The following TMEM132B variants were observed in gnomAD, a reference collection of about 807,000 sequenced individuals.
TMEM132B encodes transmembrane protein 132B.
In TMEM132B, 18 loss-of-function variants were observed where a neutral mutation model predicts 90.8. The ratio of observed to expected loss-of-function variants is 0.20; its 90% confidence interval spans 0.14 to 0.29. The LOEUF (loss-of-function observed/expected upper bound fraction) is 0.29. TMEM132B is among the 10% of genes least tolerant of loss of function. TMEM132B has a pLI of 1.00. For missense variants in TMEM132B, 1,096 were observed against 1,326.8 expected (o/e 0.83, Z 2.70); for synonymous variants, 504 against 523.3 (o/e 0.96, Z 0.50).
At chr12:125,270,112 T>TTGTGTGTGTGTGTG (rs59168219) in intron 1 of TMEM132B, among the ~76,000 whole-genome samples, 3,424 of 143,180 alleles carry the variant, frequency 0.024, 92 homozygotes, top group African/African-American at 0.052. Flanking sequence ...CACATCTTTG[T>TTGTGTGTGTGTGTG]TGTGTGTGTG....
At chr12:125,219,176 A>G (rs935498922) in intron 1 of TMEM132B, among the ~76,000 whole-genome samples, 2 of 152,164 alleles carry the variant, frequency 1.3e-5, no homozygotes, top group Non-Finnish European at 2.9e-5. Flanking sequence ...TATAGCCATG[A>G]TGGCGAGGTT....
At chr12:125,215,785 A>G (rs1325505305) in intron 1 of TMEM132B, among the ~76,000 whole-genome samples, 10 of 152,040 alleles carry the variant, frequency 6.6e-5, no homozygotes, top group Admixed American at 6.5e-4. Flanking sequence ...CAGGTGATCC[A>G]CCCGCCTTGG....
intron 3 of TMEM132B, among the ~76,000 whole-genome samples, chr12:125,420,980 G>C (rs1207997892): frequency 1.3e-5 from 2 of 152,224 alleles, no homozygotes; most frequent in Non-Finnish European, 2.9e-5. Flanking sequence ...AACATAGCAA[G>C]AGTCACCTTT....
At chr12:125,332,449 G>A (rs1443462948) in intron 1 of TMEM132B, among the ~76,000 whole-genome samples, 1 of 151,748 alleles carries the variant, frequency 6.6e-6, no homozygotes, top group Non-Finnish European at 1.5e-5. Flanking sequence ...ACAGACTTCT[G>A]TCATCTTCTC....
intron 5 of TMEM132B, among the ~76,000 whole-genome samples, chr12:125,625,130 CTTTTTT>C (rs1169262449): frequency 9.6e-6 from 1 of 103,912 alleles, no homozygotes; most frequent in African/African-American, 3.9e-5. Flanking sequence ...GATTTGACTT[CTTTTTT>C]TTTTTTTTTT....
chr12:125,590,042 C>A (rs989845471), intron 5 of TMEM132B, among the ~76,000 whole-genome samples: 4 of 152,142 alleles, frequency 2.6e-5, no homozygotes, highest in African/African-American at 9.6e-5. Context: ...TCACATGAGA[C>A]CTGGTTGTTT....
intron 3 of TMEM132B, among the ~76,000 whole-genome samples, chr12:125,464,150 C>A (rs1397122334): frequency 1.3e-5 from 2 of 152,158 alleles, no homozygotes; most frequent in Non-Finnish European, 2.9e-5. Flanking sequence ...TAAAAGGTGA[C>A]CCTAAAACTA....
At chr12:125,579,392 C>G (rs565385811) in intron 4 of TMEM132B, among the ~76,000 whole-genome samples, 3 of 150,422 alleles carry the variant, frequency 2.0e-5, no homozygotes, top group Admixed American at 6.6e-5. Flanking sequence ...GATAGAGTCT[C>G]GCTCTGTGGC....
intron 5 of TMEM132B, among the ~76,000 whole-genome samples, chr12:125,638,541 T>C (rs1292471729): frequency 6.6e-6 from 1 of 152,198 alleles, no homozygotes; most frequent in East Asian, 1.9e-4. Context: ...TTTGCCTCTT[T>C]TAATGTAGAA....
intron 3 of TMEM132B, among the ~76,000 whole-genome samples, chr12:125,423,049 C>A (rs1880213868): frequency 6.6e-6 from 1 of 152,130 alleles, no homozygotes; most frequent in East Asian, 1.9e-4. Flanking sequence ...TGCAGACAGT[C>A]CTGGATGCAG....
chr12:125,536,713 A>G (rs1297168566), intron 4 of TMEM132B, among the ~76,000 whole-genome samples: 2 of 152,198 alleles, frequency 1.3e-5, no homozygotes, highest in African/African-American at 4.8e-5. Context: ...CTGTGGGCAA[A>G]ACCTTATATC....
At chr12:125,271,583 T>A (rs1298480138) in intron 1 of TMEM132B, among the ~76,000 whole-genome samples, 1 of 152,216 alleles carries the variant, frequency 6.6e-6, no homozygotes, top group Non-Finnish European at 1.5e-5. Context: ...TATCCTGAGC[T>A]ATGCTCACCT....
At chr12:125,537,115 C>A (rs1883824486) in intron 4 of TMEM132B, among the ~76,000 whole-genome samples, 1 of 152,114 alleles carries the variant, frequency 6.6e-6, no homozygotes, top group Non-Finnish European at 1.5e-5. Flanking sequence ...CACCATGATA[C>A]CAAAATCTGT....
At chr12:125,545,956 A>G (rs1354391225) in intron 4 of TMEM132B, among the ~76,000 whole-genome samples, 2 of 152,168 alleles carry the variant, frequency 1.3e-5, no homozygotes, top group East Asian at 3.9e-4. Flanking sequence ...AAGGGCATAT[A>G]TTTTTGGTAG....
At chr12:125,552,274 G>A (rs1884247050) in intron 4 of TMEM132B, among the ~76,000 whole-genome samples, 1 of 152,206 alleles carries the variant, frequency 6.6e-6, no homozygotes, top group Admixed American at 6.5e-5. Flanking sequence ...ATGAGAAAGA[G>A]AACCAAGCTT....
At chr12:125,611,547 C>T (rs1372795932) in intron 5 of TMEM132B, among the ~76,000 whole-genome samples, 4 of 151,928 alleles carry the variant, frequency 2.6e-5, no homozygotes, top group Non-Finnish European at 4.4e-5. Context: ...TACTTATATT[C>T]TTACTGTTTC....
intron 1 of TMEM132B, among the ~76,000 whole-genome samples, chr12:125,210,536 G>A (rs1185473979): frequency 6.6e-6 from 1 of 152,062 alleles, no homozygotes; most frequent in Non-Finnish European, 1.5e-5. Context: ...TTGTGGTACA[G>A]GAGGCAGACT....
intron 1 of TMEM132B, among the ~76,000 whole-genome samples, chr12:125,187,708 C>T (rs760266527): frequency 5.3e-5 from 8 of 152,286 alleles, no homozygotes; most frequent in Non-Finnish European, 7.4e-5. Context: ...AAGCTTTCTA[C>T]CCACCTTGGT....
chr12:125,607,629 A>G (rs1220863815), intron 5 of TMEM132B, among the ~76,000 whole-genome samples: 1 of 152,214 alleles, frequency 6.6e-6, no homozygotes, highest in East Asian at 1.9e-4. Context: ...TAAAATATGG[A>G]CTGTCATCAA....
Sources: allele counts gnomAD v4.1 joint callset (sites outside exome capture counted in the v4.1 genomes callset), GRCh38; gene constraint gnomAD v4.1.1; transcripts MANE v1.5; gene names NCBI Gene and HGNC (gene_info 2026-07-23, HGNC 2026-07-21).